The following NAA25 variants were observed in gnomAD, a reference collection of about 807,000 sequenced individuals.
NAA25 encodes N-terminal acetyltransferase B complex subunit NAA25.
NAA25 carries 30 observed loss-of-function variants against 132.5 expected under a neutral mutation model. The ratio of observed to expected loss-of-function variants is 0.23; its 90% CI spans 0.17 to 0.31. NAA25 has a LOEUF of 0.31. NAA25 is among the 10% of genes least tolerant of loss of function. NAA25 has a pLI of 1.00. For missense variants in NAA25, 771 were observed against 1,150.4 expected (o/e 0.67, Z 4.77); for synonymous variants, 359 against 401.9 (o/e 0.89, Z 1.28).
intron 3 of NAA25, among the ~76,000 whole-genome samples, chr12:112,088,605 C>T (rs568320660): frequency 5.6e-4 from 85 of 150,842 alleles, no homozygotes; most frequent in Non-Finnish European, 9.4e-4. Flanking sequence ...ACAATGAGTG[C>T]CATGACAACA....
intron 22 of NAA25, chr12:112,037,594 G>A (rs1471973427): frequency 7.2e-6 from 1 of 139,576 alleles, no homozygotes; most frequent in Non-Finnish European, 1.6e-5. Flanking sequence ...AAGAAATCTG[G>A]TAGATATGTC....
At position 112,040,594 on chromosome 12, in the gene NAA25, A is replaced by T; in HGVS notation, c.2441-16T>A. The T allele has an allele frequency of 7.0e-7, 1 of 1,423,642 alleles. No homozygotes were observed. 88.2% of individuals were successfully genotyped at this position (1,423,642 alleles called of 1,614,324 possible). ...CTGAAGACATCTGAAAACAAAAAACATTTTAGTTTTATTCAGCTTTTGTTT... is the reference window on the plus strand; with the variant it reads ...CTGAAGACATCTGAAAACAAAAAACTTTTTAGTTTTATTCAGCTTTTGTTT... On this transcript the variant is annotated splice_polypyrimidine_tract_variant and intron_variant, in intron 20 of 23. Transcript: ENST00000261745.
chr12:112,059,272 C>CA (rs1051187176), intron 13 of NAA25, among the ~76,000 whole-genome samples: 8 of 151,312 alleles, frequency 5.3e-5, no homozygotes, highest in Non-Finnish European at 8.9e-5. Context: ...GACTCCATCT[C>CA]AAAAAAAACA....
chr12:112,029,162 A>G lies in NAA25; in HGVS notation c.*369T>C, dbSNP rs1166478218. On this transcript the variant is annotated 3_prime_UTR_variant, in exon 24 of 24. Transcript: ENST00000261745. ...CAATGTTATTTATAATGGAAGGGCT[A>G]TTCAGTTGCTATGAGGTTGATGCTT... The G allele has an allele frequency of 5.2e-6, 1 of 190,642 alleles. No homozygotes were observed. The highest frequency in any genetic ancestry group is 1.1e-5 in the Non-Finnish European group (1 of 91,052). The allele number at this position is 190,642 out of a possible 1,614,324, so 11.8% of individuals were successfully genotyped here. A position where few individuals can be genotyped will look rare whatever the true frequency, so the allele number is the denominator to read the frequency against.
rs2079116872 is a variant in NAA25, at chr12:112,090,751, A to T, written c.258T>A (p.Thr86=). 9.9e-6 allele frequency: 16 copies of T among 1,613,834 alleles called. No individual in the cohort carries two copies. Among genetic ancestry groups the T allele is most frequent in the Non-Finnish European group, 1.3e-5 (15 of 1,179,932 alleles). ...GTCGGTGCATCTCCCGGTAAAGGAT[A>T]GTCAGTGCCTGCAGTGAGTTGTCAT... is the stretch of plus-strand genomic sequence containing the variant. ...PTDDNSLQAL[T]ILYREMHRPE... is the part of the protein sequence containing the mutation. The change falls in exon 3 of 24, where the codon ACT becomes ACA. Residue 86 remains threonine (T), a synonymous_variant. Coordinates refer to ENST00000261745, the MANE Select transcript of NAA25 (RefSeq NM_024953.4).
At chr12:112,045,650 C>A (rs964320293) in intron 17 of NAA25, among the ~76,000 whole-genome samples, 2 of 151,684 alleles carry the variant, frequency 1.3e-5, no homozygotes, top group African/African-American at 4.8e-5. Flanking sequence ...CAAAAATTAG[C>A]CGGGCGTGGT....
intron 3 of NAA25, 122 bp from the exon 4 acceptor site, chr12:112,087,923 C>T: frequency 1.5e-6 from 1 of 654,670 alleles, no homozygotes; most frequent in Non-Finnish European, 2.7e-6. Flanking sequence ...TCTGCTTTGC[C>T]TCATCCAATC....
rs779518982 is a variant in NAA25, at chr12:112,108,726, C to T, written c.48G>A (p.Arg16=). The change falls in exon 1 of 24, where the codon CGG becomes CGA. Residue 16 remains arginine (R), a synonymous_variant. Transcript: ENST00000261745. ...HVQDPNDRRL[R]PIYDYLDNGN... ...GTCCAAGACACTCACCGTAAATGGG[C>T]CGGAGGCGCCTGTCGTTAGGGTCCT... The T allele has an allele frequency of 3.3e-6, 5 of 1,528,874 alleles. No individual in the cohort carries two copies. The highest frequency in any genetic ancestry group is 4.0e-5 in the Admixed American group (2 of 49,636). 94.7% of individuals were successfully genotyped at this position (1,528,874 alleles called of 1,614,324 possible).
At chr12:112,066,578 C>A (rs2078722281) in intron 11 of NAA25, among the ~76,000 whole-genome samples, 1 of 152,170 alleles carries the variant, frequency 6.6e-6, no homozygotes, top group Non-Finnish European at 1.5e-5. Context: ...ACAGACCAAA[C>A]CTCTCCTCCA....
intron 5 of NAA25, among the ~76,000 whole-genome samples, chr12:112,079,887 T>G (rs1228201158): frequency 6.6e-6 from 1 of 152,138 alleles, no homozygotes; most frequent in African/African-American, 2.4e-5. Flanking sequence ...ATCAAACATT[T>G]CAAGGCTCAT....
At chr12:112,092,408 T>A (rs2079146184) in intron 2 of NAA25, among the ~76,000 whole-genome samples, 1 of 152,082 alleles carries the variant, frequency 6.6e-6, no homozygotes, top group African/African-American at 2.4e-5. Flanking sequence ...GAGGATCACC[T>A]GAGGTCGGGA....
chr12:112,037,447 T>C (rs1163595965), intron 22 of NAA25, among the ~76,000 whole-genome samples: 1 of 146,992 alleles, frequency 6.8e-6, no homozygotes, highest in Non-Finnish European at 1.5e-5. Flanking sequence ...CACGTCAATG[T>C]AATAACTAAT....
chr12:112,038,474 G>A (rs1209959092), intron 22 of NAA25, among the ~76,000 whole-genome samples: 1 of 152,282 alleles, frequency 6.6e-6, no homozygotes, highest in South Asian at 2.1e-4. Flanking sequence ...TTCAACAAAT[G>A]AGAGATAAAA....
chr12:112,098,840 C>G (rs1022271709), intron 1 of NAA25, among the ~76,000 whole-genome samples: 2 of 152,142 alleles, frequency 1.3e-5, no homozygotes, highest in African/African-American at 4.8e-5. Context: ...TCACTGCAAC[C>G]TCCGCCTCCA....
intron 21 of NAA25, chr12:112,039,724 A>C (rs2078276207): frequency 6.0e-6 from 1 of 167,972 alleles, no homozygotes; most frequent in Admixed American, 6.2e-5. Context: ...CTCCCGTCAC[A>C]TCTCTCCAAG....
intron 10 of NAA25, among the ~76,000 whole-genome samples, chr12:112,071,265 C>T (rs1425365012): frequency 2.0e-5 from 3 of 152,264 alleles, no homozygotes; most frequent in Non-Finnish European, 4.4e-5. Context: ...AGGTGTTCCG[C>T]CCACCTCGGC....
At chr12:112,079,436 A>T (rs939745854) in intron 5 of NAA25, among the ~76,000 whole-genome samples, 12 of 152,084 alleles carry the variant, frequency 7.9e-5, no homozygotes, top group Admixed American at 2.0e-4. Context: ...AAAATAATTT[A>T]AAAAATTAGC....
intron 22 of NAA25, among the ~76,000 whole-genome samples, chr12:112,036,900 CGT>C (rs1315873472): frequency 1.3e-5 from 2 of 150,932 alleles, no homozygotes; most frequent in Admixed American, 6.6e-5. Context: ...TGTGCACGCG[CGT>C]GTGCATAAAA....
At chr12:112,107,027 C>T (rs1021780764) in intron 1 of NAA25, among the ~76,000 whole-genome samples, 1 of 146,838 alleles carries the variant, frequency 6.8e-6, no homozygotes, top group Non-Finnish European at 1.5e-5. Context: ...ATAATCCCAG[C>T]ACTTTGGGAG....
Sources: allele counts gnomAD v4.1 joint callset (sites outside exome capture counted in the v4.1 genomes callset), GRCh38; gene constraint gnomAD v4.1.1; transcripts MANE v1.5; gene names NCBI Gene and HGNC (gene_info 2026-07-23, HGNC 2026-07-21).